MROH1: variants seen among roughly 807,000 people sequenced by gnomAD.
MROH1 encodes maestro heat-like repeat-containing protein family member 1.
A neutral mutation model predicts 116.5 loss-of-function variants in MROH1; 117 were observed. The observed-to-expected ratio is 1.00, with a 90% confidence interval of 0.86 to 1.17. MROH1 has a LOEUF of 1.17. Among genes scored for constraint, MROH1 ranks in the 50% most tolerant of loss-of-function variants. The pLI is 0.00. For synonymous variants in MROH1, 921 were observed against 583.9 expected (o/e 1.58, Z -8.32); for missense variants, 1,873 against 1,338.5 (o/e 1.40, Z -6.23).
chr8:144,214,927 G>C (rs1834924509), intron 12 of MROH1, among the ~76,000 whole-genome samples: 1 of 152,192 alleles, frequency 6.6e-6, no homozygotes, highest in Non-Finnish European at 1.5e-5. Context: ...TCTGATGTTG[G>C]AGGGCAGGAA....
At chr8:144,172,183 G>A (rs1315327840) in intron 4 of MROH1, among the ~76,000 whole-genome samples, 1 of 152,158 alleles carries the variant, frequency 6.6e-6, no homozygotes, top group East Asian at 1.9e-4. Context: ...TTGCATCTGT[G>A]GAGAATCTCC....
chr8:144,196,891 C>G (rs1019630480), intron 10 of MROH1, among the ~76,000 whole-genome samples: 9 of 151,554 alleles, frequency 5.9e-5, no homozygotes, highest in Non-Finnish European at 1.5e-5. Flanking sequence ...GTCAGGAGTT[C>G]AAGACCAGCC....
At position 144,168,330 on chromosome 8, in the gene MROH1, A is replaced by G. The variant is rs752642310; in HGVS notation, c.58A>G (p.Lys20Glu). The G allele has an allele frequency of 6.2e-7, 1 of 1,609,722 alleles. No homozygotes were observed. The highest frequency in any genetic ancestry group is 8.5e-7 in the Non-Finnish European group (1 of 1,179,440). Reference sequence around the variant, plus strand: ...CACCCTGCTGGACGCCATCACCGATAAGGACCCCCTGGTGCAGGAGCAGGT... The same window carrying G: ...CACCCTGCTGGACGCCATCACCGATGAGGACCCCCTGGTGCAGGAGCAGGT... Reference protein sequence around the residue: ...ASTLLDAITDKDPLVQEQVCS... With the variant: ...ASTLLDAITDEDPLVQEQVCS... Residue 20 changes from lysine to glutamate, a missense_variant, in exon 4 of 44, where the codon AAG becomes GAG. Coordinates refer to ENST00000326134, the MANE Select transcript of MROH1 (RefSeq NM_032450.3).
At chr8:144,242,331 G>C (rs1044438417) in intron 22 of MROH1, 38 bp from the exon 23 acceptor site, 10 of 780,368 alleles carry the variant, frequency 1.3e-5, no homozygotes, top group Non-Finnish European at 2.2e-5. Context: ...GAGTGTAATT[G>C]TGTAACTGAA....
At chr8:144,187,873 G>C (rs1827581976) in intron 7 of MROH1, among the ~76,000 whole-genome samples, 1 of 152,158 alleles carries the variant, frequency 6.6e-6, no homozygotes, top group Non-Finnish European at 1.5e-5. Flanking sequence ...AGGCTTTATG[G>C]GGACCGATGG....
chr8:144,154,580 T>C (rs1300892966), intron 1 of MROH1, among the ~76,000 whole-genome samples: 1 of 152,016 alleles, frequency 6.6e-6, no homozygotes, highest in Non-Finnish European at 1.5e-5. Flanking sequence ...CTCACTGCAG[T>C]AGCAATGAGA....
chr8:144,173,135 G>T (rs1038233543), intron 4 of MROH1, among the ~76,000 whole-genome samples: 2 of 137,804 alleles, frequency 1.5e-5, no homozygotes, highest in Admixed American at 1.6e-4. Flanking sequence ...GCAGAGTCTC[G>T]CTCTGTTGCC....
At chr8:144,162,472 T>C (rs1342604359) in intron 2 of MROH1, among the ~76,000 whole-genome samples, 4 of 151,650 alleles carry the variant, frequency 2.6e-5, no homozygotes, top group Non-Finnish European at 4.4e-5. Context: ...CTCGGTTCAC[T>C]GTAACCTCCG....
At chr8:144,217,224 A>G (rs568100889) in intron 12 of MROH1, among the ~76,000 whole-genome samples, 3 of 152,198 alleles carry the variant, frequency 2.0e-5, no homozygotes, top group Non-Finnish European at 4.4e-5. Context: ...GTGGCAGACA[A>G]CCACAGATTG....
At chr8:144,177,106 ATTGGCTATT>A (rs200214271) in intron 4 of MROH1, among the ~76,000 whole-genome samples, 1 of 152,210 alleles carries the variant, frequency 6.6e-6, no homozygotes, top group East Asian at 1.9e-4. Flanking sequence ...TGTGACCTAC[ATTGGCTATT>A]TTGAAGAACA....
At chr8:144,197,325 T>C (rs938836132) in intron 10 of MROH1, among the ~76,000 whole-genome samples, 11 of 147,618 alleles carry the variant, frequency 7.5e-5, no homozygotes, top group Admixed American at 6.1e-4. Context: ...CACATTGATC[T>C]CTCCATAAGG....
intron 28 of MROH1, 57 bp downstream of exon 28, chr8:144,244,596 C>T: frequency 1.4e-6 from 1 of 717,850 alleles, no homozygotes; most frequent in South Asian, 1.5e-5. Flanking sequence ...GGCACTCCAC[C>T]TGGCTGCTGG....
intron 1 of MROH1, among the ~76,000 whole-genome samples, chr8:144,156,498 G>A (rs1422739005): frequency 6.6e-6 from 1 of 151,914 alleles, no homozygotes; most frequent in Non-Finnish European, 1.5e-5. Context: ...CCTGAGCTCA[G>A]GGGTTTGAGA....
At chr8:144,153,906 G>A (rs1287099031) in intron 1 of MROH1, among the ~76,000 whole-genome samples, 13 of 150,432 alleles carry the variant, frequency 8.6e-5, no homozygotes, top group Non-Finnish European at 1.3e-4. Context: ...GACTACAGGC[G>A]CCCACCACCA....
intron 4 of MROH1, among the ~76,000 whole-genome samples, chr8:144,178,435 A>C (rs1824652126): frequency 1.4e-5 from 2 of 147,250 alleles, no homozygotes; most frequent in African/African-American, 5.0e-5. Flanking sequence ...CACGGCCTGT[A>C]CTTTTTTTTT....
intron 4 of MROH1, among the ~76,000 whole-genome samples, chr8:144,169,515 C>T (rs1416745770): frequency 6.6e-6 from 1 of 150,624 alleles, no homozygotes; most frequent in Non-Finnish European, 1.5e-5. Flanking sequence ...TGCAGTGGAC[C>T]ATCTCGGCTC....
At position 144,259,434 on chromosome 8, in the gene MROH1, C is replaced by A. The variant is rs897349646; in HGVS notation, c.4044+80C>A. ...CAGGCACGGGATGCCCTTTTCTTAC[C>A]CCTAAAAGGCCCCCTCGACCGTGGT... On this transcript the variant is annotated intron_variant, in intron 37 of 43. Coordinates refer to ENST00000326134, the MANE Select transcript of MROH1 (RefSeq NM_032450.3). 1,139 of 709,180 alleles carry A rather than the reference C, an allele frequency of 1.6e-3. 23 individuals carry two copies. In the East Asian group the frequency reaches 0.027, roughly 17 times the overall value. The allele number at this position is 709,180 out of a possible 1,614,324, so 43.9% of individuals were successfully genotyped here. A position where few individuals can be genotyped will look rare whatever the true frequency, so the allele number is the denominator to read the frequency against.
chr8:144,220,524 G>A, intron 12 of MROH1, 76 bp from the exon 13 acceptor site: 1 of 1,347,668 alleles, frequency 7.4e-7, no homozygotes, highest in East Asian at 2.5e-5. Context: ...GGGAAGCCAG[G>A]CCCCTGGTGA....
At chr8:144,168,257 T>C (rs757285208) in intron 3 of MROH1, 38 bp from the exon 4 acceptor site, 3 of 1,539,190 alleles carry the variant, frequency 1.9e-6, no homozygotes, top group Admixed American at 3.9e-5. Context: ...GAGAGGGCGC[T>C]TGGGCCTGAG....
Sources: allele counts gnomAD v4.1 joint callset (sites outside exome capture counted in the v4.1 genomes callset), GRCh38; gene constraint gnomAD v4.1.1; transcripts MANE v1.5; gene names NCBI Gene and HGNC (gene_info 2026-07-23, HGNC 2026-07-21).